IL1R2: variants seen among roughly 807,000 people sequenced by gnomAD.
IL1R2 encodes the protein interleukin 1 receptor type 2.
IL1R2 carries 46 observed loss-of-function variants against 39.5 expected under a neutral mutation model. That is an observed-to-expected ratio of 1.16 (90% CI 0.92 to 1.49). The LOEUF (loss-of-function observed/expected upper bound fraction) is 1.49, where lower values mean the gene tolerates loss of function less well. IL1R2 is among the 40% of genes most tolerant of loss of function. The pLI is 0.00. For synonymous variants in IL1R2, 207 were observed against 189.6 expected (o/e 1.09, Z -0.75); for missense variants, 537 against 502.0 (o/e 1.07, Z -0.67).
At chr2:102,017,225 C>T (rs1277530544) in intron 4 of IL1R2, among the ~76,000 whole-genome samples, 1 of 151,702 alleles carries the variant, frequency 6.6e-6, no homozygotes, top group Non-Finnish European at 1.5e-5. Flanking sequence ...TGTCAAAACC[C>T]CATCTCTACT....
chr2:101,995,384 C>T (rs996460459), intron 1 of IL1R2, among the ~76,000 whole-genome samples: 7 of 152,186 alleles, frequency 4.6e-5, no homozygotes, highest in South Asian at 2.1e-4. Context: ...ATGTAGGAGC[C>T]GAGAGTGGCC....
chr2:102,018,682 C>T (rs1192578252), intron 4 of IL1R2, among the ~76,000 whole-genome samples: 1 of 152,136 alleles, frequency 6.6e-6, no homozygotes, highest in Non-Finnish European at 1.5e-5. Context: ...CCCCTTTTTA[C>T]AGTTAAGGAC....
At chr2:102,022,397 G>A in intron 6 of IL1R2, 148 bp downstream of exon 6, 2 of 701,258 alleles carry the variant, frequency 2.9e-6, no homozygotes, top group Non-Finnish European at 2.6e-6. Flanking sequence ...TCCAGTGTGT[G>A]AGGCTGGAAT....
intron 8 of IL1R2, 71 bp downstream of exon 8, chr2:102,026,324 T>A: frequency 8.8e-7 from 1 of 1,141,662 alleles, no homozygotes; most frequent in Non-Finnish European, 1.2e-6. Flanking sequence ...ACTAGACAAA[T>A]CTACTTGTTC....
intron 1 of IL1R2, among the ~76,000 whole-genome samples, chr2:102,002,334 C>T (rs953570554): frequency 3.0e-5 from 4 of 134,648 alleles, no homozygotes; most frequent in South Asian, 2.5e-4. Flanking sequence ...GTCTGTGTGT[C>T]TGTGTCTGCG....
Position 102,028,438 on chromosome 2 carries a change from T to G in IL1R2, c.*46T>G. 6.7e-7 allele frequency: 1 copy of G among 1,482,352 alleles called. No individual in the cohort carries two copies. 91.8% of individuals were successfully genotyped at this position (1,482,352 alleles called of 1,614,324 possible). A position where few individuals can be genotyped will look rare whatever the true frequency, so the allele number is the denominator to read the frequency against. On this transcript the variant is annotated 3_prime_UTR_variant, in exon 9 of 9. Coordinates refer to ENST00000332549, the MANE Select transcript of IL1R2 (RefSeq NM_004633.4). The stretch of plus-strand genomic sequence containing the variant: ...TCAAACACAAACTCCGTACGTCTTC[T>G]CTTATGGAAGTGGCTGTGTCTTTTT...
intron 5 of IL1R2, 151 bp downstream of exon 5, chr2:102,019,963 A>C (rs775955332): frequency 1.7e-5 from 11 of 655,950 alleles, no homozygotes; most frequent in Non-Finnish European, 2.6e-5. Flanking sequence ...CATCAGGTTA[A>C]TAAGACGTGT....
At chr2:101,997,406 C>T (rs1675645803) in intron 1 of IL1R2, among the ~76,000 whole-genome samples, 1 of 152,204 alleles carries the variant, frequency 6.6e-6, no homozygotes. Flanking sequence ...GATGCTACAG[C>T]ACCTGTTGCT....
At chr2:101,996,505 T>TTTGG (rs55723899) in intron 1 of IL1R2, among the ~76,000 whole-genome samples, 2 of 137,248 alleles carry the variant, frequency 1.5e-5, no homozygotes, top group African/African-American at 5.8e-5. Flanking sequence ...TTTTTTTTTT[T>TTTGG]GGGGGGGAGA....
chr2:102,007,800 C>A (rs973780495), intron 1 of IL1R2, among the ~76,000 whole-genome samples: 1 of 152,162 alleles, frequency 6.6e-6, no homozygotes, highest in Non-Finnish European at 1.5e-5. Context: ...CAATTATATT[C>A]CTCTTATACT....
intron 3 of IL1R2, among the ~76,000 whole-genome samples, chr2:102,014,418 C>T (rs1292697884): frequency 6.6e-6 from 1 of 152,128 alleles, no homozygotes; most frequent in Non-Finnish European, 1.5e-5. Context: ...TCAAGTAGGC[C>T]CAGGTCTTTA....
intron 1 of IL1R2, among the ~76,000 whole-genome samples, chr2:102,002,838 C>CTT (rs1675979016): frequency 6.6e-6 from 1 of 152,080 alleles, no homozygotes; most frequent in African/African-American, 2.4e-5. Flanking sequence ...CTGTCTGTGT[C>CTT]TGTGTCTATG....
Position 102,009,818 on chromosome 2 carries a change from C to T in IL1R2, c.324C>T (p.Cys108=). ...AGGAGGACTCTGGCACCTACGTCTG[C>T]ACTACTAGGTAAGTCTCCCTGTGCG... ...ALQEDSGTYV[C]TTRNASYCDK... is the part of the protein sequence containing the mutation. The change falls in exon 3 of 9, where the codon TGC becomes TGT. Residue 108 remains cysteine (C), a synonymous_variant. Coordinates refer to ENST00000332549, the MANE Select transcript of IL1R2 (RefSeq NM_004633.4). 4.3e-6 allele frequency: 7 copies of T among 1,614,158 alleles called. No individual in the cohort carries two copies. Among genetic ancestry groups the T allele is most frequent in the Non-Finnish European group, 5.9e-6 (7 of 1,180,006 alleles).
intron 1 of IL1R2, among the ~76,000 whole-genome samples, chr2:102,007,235 G>A (rs1577696681): frequency 1.3e-5 from 2 of 152,276 alleles, no homozygotes; most frequent in South Asian, 2.1e-4. Flanking sequence ...TCCAGTCTTT[G>A]GGGGGCATGG....
At position 102,009,974 on chromosome 2, in the gene IL1R2, C is replaced by T. The variant is rs79249989; in HGVS notation, c.332+148C>T. The stretch of plus-strand genomic sequence containing the variant: ...TGCATCCCGTTTGCTGTTCCTGACA[C>T]CCCCCCCAACCCTACAGTCTCATTC... On this transcript the variant is annotated intron_variant, in intron 3 of 8. Coordinates refer to ENST00000332549, the MANE Select transcript of IL1R2 (RefSeq NM_004633.4). 1.2e-5 allele frequency: 9 copies of T among 734,604 alleles called. No individual in the cohort carries two copies. In the Admixed American group the frequency reaches 1.4e-4, roughly 12 times the overall value. The allele number at this position is 734,604 out of a possible 1,614,324, so 45.5% of individuals were successfully genotyped here.
chr2:102,015,772 A>T (rs1371058029), intron 3 of IL1R2, 99 bp from the exon 4 acceptor site: 20 of 937,096 alleles, frequency 2.1e-5, no homozygotes, highest in Non-Finnish European at 3.3e-5. Flanking sequence ...GAAAATGCAG[A>T]TGCAGATTTT....
Position 102,015,938 on chromosome 2 carries a change from C to A in IL1R2, c.400C>A (p.Pro134Thr), listed in dbSNP as rs2150445765. 2 of 1,613,758 alleles carry A rather than the reference C, an allele frequency of 1.2e-6. No individual in the cohort carries two copies. The highest frequency in any genetic ancestry group is 1.7e-6 in the Non-Finnish European group (2 of 1,179,678). Residue 134 changes from proline (P) to threonine (T), a missense_variant, in exon 4 of 9, where the codon CCG becomes ACG. Physicochemically the swap from Pro to Thr is conservative, Grantham distance 38. Coordinates refer to ENST00000332549, the MANE Select transcript of IL1R2 (RefSeq NM_004633.4). ...TTTTGAGAATACAGATGCTTTCCTG[C>A]CGTTCATCTCATACCCGCAAATTTT... Reference protein sequence around the residue: ...RVFENTDAFLPFISYPQILTL... With the variant: ...RVFENTDAFLTFISYPQILTL...
intron 6 of IL1R2, among the ~76,000 whole-genome samples, chr2:102,023,002 G>A (rs1399334489): frequency 6.6e-6 from 1 of 152,220 alleles, no homozygotes; most frequent in Non-Finnish European, 1.5e-5. Flanking sequence ...TTGGCTCAGT[G>A]GAGGCCAAAA....
At chr2:102,024,434 G>A (rs1677599949) in intron 6 of IL1R2, 99 bp from the exon 7 acceptor site, 2 of 792,888 alleles carry the variant, frequency 2.5e-6, no homozygotes, top group Admixed American at 3.7e-5. Flanking sequence ...GGGTGGTGAG[G>A]GGTGTTTGAG....
Sources: gnomAD v4.1 joint callset for allele counts (sites outside exome capture counted in the v4.1 genomes callset) on GRCh38, gnomAD v4.1.1 for gene constraint, MANE v1.5 for transcripts, NCBI Gene and HGNC (gene_info 2026-07-23, HGNC 2026-07-21) for gene names.